ZNF566: variants seen among roughly 807,000 people sequenced by gnomAD.
The protein encoded by ZNF566 is zinc finger protein 566.
ZNF566 carries 27 observed loss-of-function variants against 32.8 expected under a neutral mutation model. That is an observed-to-expected ratio of 0.82 (90% confidence interval 0.61 to 1.14). The LOEUF is 1.14. ZNF566 is among the 50% of genes most tolerant of loss of function. The pLI, the probability that ZNF566 is intolerant of heterozygous loss-of-function variation, is 0.00. For missense variants in ZNF566, 402 were observed against 490.4 expected, an observed-to-expected ratio of 0.82 and a Z score of 1.70; for synonymous variants, 154 against 159.5, an observed-to-expected ratio of 0.97 and a Z score of 0.26.
chr19:36,465,499 G>A (rs1204918925), intron 4 of ZNF566, among the ~76,000 whole-genome samples: 10 of 149,572 alleles, frequency 6.7e-5, no homozygotes, highest in Admixed American at 2.0e-4. Context: ...TTTTTGAGAC[G>A]GAGTCTTGCT....
intron 4 of ZNF566, among the ~76,000 whole-genome samples, chr19:36,460,762 T>A (rs2033441456): frequency 6.6e-6 from 1 of 152,078 alleles, no homozygotes; most frequent in South Asian, 2.1e-4. Context: ...CTCAGACACA[T>A]CATAATCAAA....
At chr19:36,472,370 G>T (rs1250161972) in intron 4 of ZNF566, among the ~76,000 whole-genome samples, 6 of 152,122 alleles carry the variant, frequency 3.9e-5, no homozygotes, top group Admixed American at 3.9e-4. Flanking sequence ...TTGTAGACAT[G>T]TTCTAGTACT....
chr19:36,453,889 T>C (rs1211360705), intron 4 of ZNF566, among the ~76,000 whole-genome samples: 1 of 152,014 alleles, frequency 6.6e-6, no homozygotes, highest in East Asian at 1.9e-4. Context: ...GGTGGCACAA[T>C]CTCGGTTTGC....
At chr19:36,468,042 G>T (rs10416494) in intron 4 of ZNF566, among the ~76,000 whole-genome samples, 1 of 150,768 alleles carries the variant, frequency 6.6e-6, no homozygotes, top group Non-Finnish European at 1.5e-5. Flanking sequence ...AAAATTAGCC[G>T]GGCGTGGTGG....
intron 4 of ZNF566, among the ~76,000 whole-genome samples, chr19:36,467,790 CAAAAAAAAAAAAAAAAAAAAAA>C (rs560803094): frequency 1.9e-4 from 16 of 85,914 alleles, no homozygotes; most frequent in Non-Finnish European, 2.1e-4. Context: ...GACTCCATCT[CAAAAAAAAAAAAAAAAAAAAAA>C]AAAAAAAAAA....
intron 4 of ZNF566, among the ~76,000 whole-genome samples, chr19:36,461,987 T>TG (rs1036522345): frequency 2.1e-5 from 3 of 140,702 alleles, no homozygotes; most frequent in African/African-American, 8.1e-5. Flanking sequence ...TTTTGAACTT[T>TG]GGGTTTTTTT....
chr19:36,450,087 A>G, intron 4 of ZNF566, 86 bp from the exon 5 acceptor site: 1 of 1,134,322 alleles, frequency 8.8e-7, no homozygotes, highest in African/African-American at 1.6e-5. Context: ...ATTTAACCGA[A>G]TTTTTTTTAC....
chr19:36,449,797 T>A lies in ZNF566; in HGVS notation c.437A>T (p.His146Leu), dbSNP rs746118310. 1 of 1,614,076 alleles carries A rather than the reference T, an allele frequency of 6.2e-7. No individual in the cohort carries two copies. The highest frequency in any genetic ancestry group is 8.5e-7 in the Non-Finnish European group (1 of 1,180,028). Residue 146 changes from histidine to leucine, a missense_variant, in exon 5 of 5, where the codon CAT becomes CTT. By Grantham distance (99) the His-to-Leu change is moderately conservative (BLOSUM62 -3). Around this residue, in one of 3 missense-constraint regions of ZNF566, gnomAD observed 220 missense variants for 241.9 expected, o/e 0.91. Coordinates refer to ENST00000452939, the MANE Select transcript of ZNF566 (RefSeq NM_001145344.1). ...GTGACTCAAAGTGGGCAGATCTTCATGAGTGAATACCAATTGATTGAAATG... is the reference window on the plus strand; with the variant it reads ...GTGACTCAAAGTGGGCAGATCTTCAAGAGTGAATACCAATTGATTGAAATG... Reference protein sequence around the residue: ...GGHFNQLVFTHEDLPTLSHHP... With the variant: ...GGHFNQLVFTLEDLPTLSHHP...
At chr19:36,471,425 G>C (rs886386391) in intron 4 of ZNF566, among the ~76,000 whole-genome samples, 9 of 151,922 alleles carry the variant, frequency 5.9e-5, no homozygotes, top group African/African-American at 2.2e-4. Flanking sequence ...CTGGCCTCTG[G>C]GGCTGCTCCT....
chr19:36,476,455 T>TTTCC (rs2145693218), intron 2 of ZNF566, 94 bp downstream of exon 2: 1 of 1,262,734 alleles, frequency 7.9e-7, no homozygotes, highest in Non-Finnish European at 1.1e-6. Flanking sequence ...GTTGTTTTTC[T>TTTCC]AACATCAAAA....
At chr19:36,487,508 T>C (rs2034196604) in intron 1 of ZNF566, among the ~76,000 whole-genome samples, 1 of 152,134 alleles carries the variant, frequency 6.6e-6, no homozygotes, top group African/African-American at 2.4e-5. Context: ...CTAAGTACAA[T>C]TACACTGAAC....
At chr19:36,458,656 T>C (rs1377102371) in intron 4 of ZNF566, among the ~76,000 whole-genome samples, 3 of 152,346 alleles carry the variant, frequency 2.0e-5, no homozygotes, top group South Asian at 2.1e-4. Flanking sequence ...ACGTATACCA[T>C]AGTAACTATA....
At chr19:36,456,380 C>CAAAAAAAAAAAAAAAAAAAA (rs59964294) in intron 4 of ZNF566, 1 of 96,532 alleles carries the variant, frequency 1.0e-5, no homozygotes, top group African/African-American at 3.9e-5. Context: ...TACTAAAATA[C>CAAAAAAAAAAAAAAAAAAAA]AAAAAAAAAA....
chr19:36,473,669 A>G (rs1293538329), intron 2 of ZNF566, among the ~76,000 whole-genome samples: 2 of 152,186 alleles, frequency 1.3e-5, no homozygotes, highest in African/African-American at 4.8e-5. Context: ...CTGCCTGAGT[A>G]TGCTAGGATA....
chr19:36,470,357 A>G (rs2033731128), intron 4 of ZNF566, among the ~76,000 whole-genome samples: 1 of 152,206 alleles, frequency 6.6e-6, no homozygotes. Flanking sequence ...TTCAGTAATT[A>G]CAAAGCCCAT....
intron 1 of ZNF566, among the ~76,000 whole-genome samples, chr19:36,486,593 C>T (rs563821963): frequency 6.7e-6 from 1 of 150,072 alleles, no homozygotes; most frequent in East Asian, 2.0e-4. Context: ...ATTGCTTGAA[C>T]CTGGGAGGTG....
At chr19:36,452,026 C>CA (rs904626942) in intron 4 of ZNF566, among the ~76,000 whole-genome samples, 6 of 148,412 alleles carry the variant, frequency 4.0e-5, no homozygotes, top group African/African-American at 7.5e-5. Context: ...AAACAAACAA[C>CA]AAAAAAAAGA....
chr19:36,468,102 T>A (rs2033670085), intron 4 of ZNF566, among the ~76,000 whole-genome samples: 1 of 150,248 alleles, frequency 6.7e-6, no homozygotes, highest in Non-Finnish European at 1.5e-5. Flanking sequence ...GAAGAATCAC[T>A]TGAACCCGGG....
chr19:36,467,790 C>CAAAAAAAAAAAAAAAAAAAAAA (rs560803094), intron 4 of ZNF566, among the ~76,000 whole-genome samples: 2 of 85,916 alleles, frequency 2.3e-5, no homozygotes, highest in Admixed American at 1.7e-4. Context: ...GACTCCATCT[C>CAAAAAAAAAAAAAAAAAAAAAA]AAAAAAAAAA....
Sources: allele counts gnomAD v4.1 joint callset (sites outside exome capture counted in the v4.1 genomes callset), GRCh38; gene constraint gnomAD v4.1.1; regional missense constraint gnomAD v4.1.1; transcripts MANE v1.5; gene names NCBI Gene and HGNC (gene_info 2026-07-23, HGNC 2026-07-21).